CAMTA1: variants seen among roughly 807,000 people sequenced by gnomAD.
CAMTA1 encodes the protein calmodulin binding transcription activator 1.
Under a neutral mutation model 170.9 loss-of-function variants are expected in CAMTA1, and 27 were observed. The observed-to-expected ratio is 0.16, with a 90% CI of 0.12 to 0.22. The LOEUF (loss-of-function observed/expected upper bound fraction) is 0.22, where lower values mean the gene tolerates loss of function less well. Among genes scored for constraint, CAMTA1 ranks in the 10% least tolerant of loss-of-function variants. The probability of loss-of-function intolerance (pLI) is 1.00; values close to 1 mark genes in which losing one functional copy is unlikely to be tolerated. For synonymous variants in CAMTA1, 833 were observed against 891.5 expected (o/e 0.93, Z 1.17); for missense variants, 1,619 against 2,217.2 (o/e 0.73, Z 5.42).
chr1:7,068,591 T>G (rs576536597), intron 3 of CAMTA1, among the ~76,000 whole-genome samples: 1 of 152,208 alleles, frequency 6.6e-6, no homozygotes, highest in Non-Finnish European at 1.5e-5. Flanking sequence ...CGAGCTCTGT[T>G]TTTTATTGAA....
intron 6 of CAMTA1, among the ~76,000 whole-genome samples, chr1:7,606,036 C>G (rs973767992): frequency 1.3e-5 from 2 of 152,184 alleles, no homozygotes; most frequent in Non-Finnish European, 2.9e-5. Flanking sequence ...TCAGAGCCCA[C>G]TGCCCCTGAG....
chr1:7,249,650 TG>T lies in CAMTA1; in HGVS notation c.438+26del, dbSNP rs745991532. ...AGGTAAACAGCAGAAAAGGTTCCCT[TG>T]GTGCACAAATGTCATTTGCAGGCTG... On this transcript the variant is annotated intron_variant, in intron 5 of 22. Transcript: ENST00000303635. The surrounding 1 kb of genome is among the most constrained non-coding windows in gnomAD (Gnocchi z 4.4). The T allele has an allele frequency of 6.2e-6, 10 of 1,611,622 alleles. No homozygotes were observed. The highest frequency in any genetic ancestry group is 8.5e-6 in the Non-Finnish European group (10 of 1,178,844).
chr1:7,522,519 T>C (rs1054230965), intron 6 of CAMTA1, among the ~76,000 whole-genome samples: 1 of 152,240 alleles, frequency 6.6e-6, no homozygotes, highest in Non-Finnish European at 1.5e-5. Flanking sequence ...GTTTTAGCAT[T>C]TTCCATTTAT....
At chr1:7,285,344 T>C (rs1312374352) in intron 5 of CAMTA1, among the ~76,000 whole-genome samples, 1 of 152,220 alleles carries the variant, frequency 6.6e-6, no homozygotes, top group Non-Finnish European at 1.5e-5. Context: ...GGACTCGCAC[T>C]GCATTTCATG....
chr1:7,278,040 C>T (rs1182943940), intron 5 of CAMTA1, among the ~76,000 whole-genome samples: 1 of 152,142 alleles, frequency 6.6e-6, no homozygotes, highest in South Asian at 2.1e-4. Context: ...GCTTTTCATA[C>T]CTGAACAATT....
intron 4 of CAMTA1, among the ~76,000 whole-genome samples, chr1:7,151,194 G>A (rs1006573688): frequency 3.9e-5 from 6 of 152,176 alleles, no homozygotes; most frequent in Admixed American, 2.6e-4. Flanking sequence ...TGGCGTTCGC[G>A]CCTGGCTCCC....
intron 3 of CAMTA1, among the ~76,000 whole-genome samples, chr1:6,865,121 A>G (rs1002359622): frequency 6.6e-6 from 1 of 152,160 alleles, no homozygotes; most frequent in Non-Finnish European, 1.5e-5. Context: ...GGTGGATTTT[A>G]TCTTTTGAAT....
intron 6 of CAMTA1, among the ~76,000 whole-genome samples, chr1:7,587,333 A>G (rs1254638830): frequency 6.6e-6 from 1 of 151,968 alleles, no homozygotes; most frequent in African/African-American, 2.4e-5. Context: ...CCACTTCTGG[A>G]AAGGGTGAAT....
chr1:7,005,174 A>G (rs913026770), intron 3 of CAMTA1, among the ~76,000 whole-genome samples: 17 of 152,198 alleles, frequency 1.1e-4, no homozygotes, highest in African/African-American at 4.1e-4. Context: ...AACTGTGACT[A>G]TTTGCCACAT....
chr1:6,949,547 C>T (rs563220645), intron 3 of CAMTA1, among the ~76,000 whole-genome samples: 1 of 152,310 alleles, frequency 6.6e-6, no homozygotes, highest in African/African-American at 2.4e-5. Context: ...GTAAAGTGCT[C>T]TAGAAAGGCT....
At chr1:6,879,846 C>T (rs536849846) in intron 3 of CAMTA1, among the ~76,000 whole-genome samples, 3 of 148,822 alleles carry the variant, frequency 2.0e-5, no homozygotes, top group Non-Finnish European at 3.0e-5. Context: ...AGGCTGATCT[C>T]GAACTCCTGG....
At chr1:7,487,564 C>G (rs1356539238) in intron 6 of CAMTA1, among the ~76,000 whole-genome samples, 1 of 152,180 alleles carries the variant, frequency 6.6e-6, no homozygotes, top group African/African-American at 2.4e-5. Context: ...GAGGACCTGC[C>G]CGTGCTCTCT....
intron 3 of CAMTA1, among the ~76,000 whole-genome samples, chr1:7,042,713 G>A (rs1704662618): frequency 6.6e-6 from 1 of 152,188 alleles, no homozygotes; most frequent in African/African-American, 2.4e-5. Flanking sequence ...AGCGGGTTTT[G>A]CTCAGGGTCA....
intron 7 of CAMTA1, among the ~76,000 whole-genome samples, chr1:7,644,230 T>A (rs1350388015): frequency 6.6e-6 from 1 of 152,176 alleles, no homozygotes; most frequent in Non-Finnish European, 1.5e-5. Context: ...AATCCCATCC[T>A]GGTCCTTGCA....
intron 6 of CAMTA1, among the ~76,000 whole-genome samples, chr1:7,629,999 C>T (rs1417902502): frequency 6.6e-6 from 1 of 152,220 alleles, no homozygotes; most frequent in African/African-American, 2.4e-5. Context: ...CTGACACTGG[C>T]TCTTTTTCGT....
intron 6 of CAMTA1, among the ~76,000 whole-genome samples, chr1:7,539,827 C>T (rs1037135974): frequency 6.6e-6 from 1 of 152,216 alleles, no homozygotes; most frequent in African/African-American, 2.4e-5. Flanking sequence ...ATGAGAACTG[C>T]CTGATAGGCA....
In CAMTA1 at chr1:7,565,607, C is replaced by A. The variant is rs1288113022; in HGVS notation, c.511-74793C>A. On this transcript the variant is annotated intron_variant, in intron 6 of 22. Transcript: ENST00000303635. This position sits in a 1 kb window ranked among gnomAD's most constrained non-coding sequence, Gnocchi z 4.5. ...CCATTGGGCCTACCTGACTGAGACC[C>A]CAGGAGAGCCAGGTCCTGCTCCTTT... Among the ~76,000 whole-genome samples, 1 of 152,160 alleles carries A rather than the reference C, an allele frequency of 6.6e-6. No homozygotes were observed. The highest frequency in any genetic ancestry group is 1.5e-5 in the Non-Finnish European group (1 of 68,022).
intron 5 of CAMTA1, among the ~76,000 whole-genome samples, chr1:7,423,307 C>G (rs2091685944): frequency 6.6e-6 from 1 of 152,120 alleles, no homozygotes; most frequent in Non-Finnish European, 1.5e-5. Context: ...CGCGTCTCTA[C>G]TAAAACTACA....
chr1:6,935,485 A>T (rs960686759), intron 3 of CAMTA1, among the ~76,000 whole-genome samples: 1 of 152,054 alleles, frequency 6.6e-6, no homozygotes. Flanking sequence ...GTTGGCACAC[A>T]CTTTATTTTA....
Sources: allele counts gnomAD v4.1 joint callset (sites outside exome capture counted in the v4.1 genomes callset), GRCh38; gene constraint gnomAD v4.1.1; non-coding constraint Gnocchi (gnomAD v3.1); transcripts MANE v1.5; gene names NCBI Gene and HGNC (gene_info 2026-07-23, HGNC 2026-07-21).